The following PELI3 variants were observed in gnomAD, a reference collection of about 807,000 sequenced individuals.
PELI3 encodes the protein E3 ubiquitin-protein ligase pellino homolog 3.
Under a neutral mutation model 35.5 loss-of-function variants are expected in PELI3, and 19 were observed. The ratio of observed to expected loss-of-function variants is 0.54; its 90% CI spans 0.37 to 0.79. PELI3 has a LOEUF of 0.79. Ranked by LOEUF, PELI3 falls within the 30% of genes least tolerant of loss-of-function variation. The pLI, the probability that PELI3 is intolerant of heterozygous loss-of-function variation, is 0.00. For synonymous variants in PELI3, 262 were observed against 279.2 expected, an observed-to-expected ratio of 0.94 and a Z score of 0.62; for missense variants, 490 against 661.2, an observed-to-expected ratio of 0.74 and a Z score of 2.84.
chr11:66,475,543 C>T, intron 7 of PELI3, 55 bp from the exon 8 acceptor site: 2 of 1,580,174 alleles, frequency 1.3e-6, no homozygotes, highest in East Asian at 2.2e-5. Flanking sequence ...TGGGATGGAC[C>T]CGCGGCTCAG....
Position 66,472,365 on chromosome 11 carries a change from C to A in PELI3, c.355-4C>A, listed in dbSNP as rs1466013403. 6.2e-7 allele frequency: 1 copy of A among 1,613,410 alleles called. No homozygotes were observed. The highest frequency in any genetic ancestry group is 8.5e-7 in the Non-Finnish European group (1 of 1,179,396). On this transcript the variant is annotated splice_polypyrimidine_tract_variant and splice_region_variant and intron_variant, in intron 4 of 7. Coordinates refer to ENST00000320740, the MANE Select transcript of PELI3 (RefSeq NM_145065.3). ...CTGGCAAGTGACTTTTTTCTCCCCA[C>A]CAGGCACTGAGTAACCGTGGTCAGC...
chr11:66,476,619 C>A lies in PELI3; in HGVS notation c.*452C>A. On this transcript the variant is annotated 3_prime_UTR_variant, in exon 8 of 8. Coordinates refer to ENST00000320740, the MANE Select transcript of PELI3 (RefSeq NM_145065.3). ...ATAAACCTCGCTGCTCAGCTGCCCC[C>A]ACAAGTCCCACATGCCCCGCATGCG... The A allele has an allele frequency of 5.3e-6, 1 of 188,662 alleles. No individual in the cohort carries two copies. Among genetic ancestry groups the A allele is most frequent in the Non-Finnish European group, 1.1e-5 (1 of 91,276 alleles). 11.7% of individuals were successfully genotyped at this position (188,662 alleles called of 1,614,324 possible).
At position 66,476,153 on chromosome 11, in the gene PELI3, G is replaced by C. The variant is rs781393032; in HGVS notation, c.1396G>C (p.Gly466Arg). 1.3e-6 allele frequency: 2 copies of C among 1,555,312 alleles called. No homozygotes were observed. The highest frequency in any genetic ancestry group is 2.3e-5 in the South Asian group (2 of 86,270). Residue 466 changes from glycine to arginine, a missense_variant, in exon 8 of 8, where the codon GGC (glycine) becomes CGC (arginine). By Grantham distance (125) the Gly-to-Arg change is moderately radical. This residue lies in a region of PELI3 where 349 missense variants were observed against 484.8 expected (regional missense o/e 0.72). Coordinates refer to ENST00000320740, the MANE Select transcript of PELI3 (RefSeq NM_145065.3). The part of the protein sequence containing the change: ...EHGCVRLIFQ[G>R]PLD ...TGGCTGCGTCCGCCTCATTTTCCAGGGCCCGCTGGATTAGGCTCCCTGGGG... is the reference window on the plus strand; with the variant it reads ...TGGCTGCGTCCGCCTCATTTTCCAGCGCCCGCTGGATTAGGCTCCCTGGGG...
Position 66,476,141 on chromosome 11 carries a change from C to T in PELI3, c.1384C>T (p.Leu462Phe). Residue 462 changes from leucine (L) to phenylalanine (F), a missense_variant, in exon 8 of 8, where the codon CTC (leucine) becomes TTC (phenylalanine). Around this residue, in one of 3 missense-constraint regions of PELI3, gnomAD observed 349 missense variants for 484.8 expected, o/e 0.72. Coordinates refer to ENST00000320740, the MANE Select transcript of PELI3 (RefSeq NM_145065.3). ...TACCGGCGAGCATGGCTGCGTCCGCCTCATTTTCCAGGGCCCGCTGGATTA... is the reference window on the plus strand; with the variant it reads ...TACCGGCGAGCATGGCTGCGTCCGCTTCATTTTCCAGGGCCCGCTGGATTA... ...WLTGEHGCVR[L>F]IFQGPLD The T allele has an allele frequency of 6.4e-7, 1 of 1,566,852 alleles. No individual in the cohort carries two copies. The highest frequency in any genetic ancestry group is 8.6e-7 in the Non-Finnish European group (1 of 1,161,880).
In PELI3 at chr11:66,473,771, T is replaced by C; in HGVS notation, c.686T>C (p.Leu229Pro). Residue 229 changes from leucine (L) to proline (P), a missense_variant, in exon 7 of 8, where the codon CTG (leucine) becomes CCG (proline). By Grantham distance (98) the Leu-to-Pro change is moderately conservative. This residue lies in a region of PELI3 where 349 missense variants were observed against 484.8 expected (regional missense o/e 0.72). Coordinates refer to ENST00000320740, the MANE Select transcript of PELI3 (RefSeq NM_145065.3). This position sits in a 1 kb window ranked among gnomAD's most constrained non-coding sequence, Gnocchi z 5.8. ...GCCAAATGGCGGACCCCAGATGGCC[T>C]GATGGATGGACTGACCACCAATGGA... is the stretch of plus-strand genomic sequence containing the variant. Reference protein sequence around the residue: ...RAAKWRTPDGLMDGLTTNGVL... With the variant: ...RAAKWRTPDGPMDGLTTNGVL... 1 of 1,613,934 alleles carries C rather than the reference T, an allele frequency of 6.2e-7. No homozygotes were observed. The highest frequency in any genetic ancestry group is 8.5e-7 in the Non-Finnish European group (1 of 1,179,998).
In PELI3 at chr11:66,476,256, TC is replaced by T; in HGVS notation, c.*92del. The T allele has an allele frequency of 2.3e-6, 3 of 1,332,060 alleles. No individual in the cohort carries two copies. The highest frequency in any genetic ancestry group is 2.8e-5 in the South Asian group (2 of 71,118). 82.5% of individuals were successfully genotyped at this position (1,332,060 alleles called of 1,614,324 possible). On this transcript the variant is annotated 3_prime_UTR_variant, in exon 8 of 8. Transcript: ENST00000320740. ...AGAGGGAGCTCTGCATGTGGGACAC[TC>T]CCTGCTGGCACAGCCACACCAGATG...
chr11:66,469,249 T>TA (rs1157186361), intron 3 of PELI3, among the ~76,000 whole-genome samples: 3 of 138,516 alleles, frequency 2.2e-5, no homozygotes, highest in African/African-American at 5.6e-5. Flanking sequence ...GACACATGCT[T>TA]TAAAAAAAAA....
rs201548496 is a variant in PELI3 at position 66,468,828 on chromosome 11, C to T, written c.153-5C>T. The T allele has an allele frequency of 2.2e-4, 169 of 779,754 alleles. 1 individual carries two copies. The highest frequency in any genetic ancestry group is 4.6e-4 in the Middle Eastern group (2 of 4,318). 48.3% of individuals were successfully genotyped at this position (779,754 alleles called of 1,614,324 possible). A position where few individuals can be genotyped will look rare whatever the true frequency, so the allele number is the denominator to read the frequency against. Reference sequence around the variant, plus strand: ...GGACATTATTTCATTTCAATCTTCACAAAGATGCTGTGAGGAAGGAGGTGA... The same window carrying T: ...GGACATTATTTCATTTCAATCTTCATAAAGATGCTGTGAGGAAGGAGGTGA... On this transcript the variant is annotated splice_polypyrimidine_tract_variant and splice_region_variant and intron_variant, in intron 2 of 7. Coordinates refer to ENST00000320740, the MANE Select transcript of PELI3 (RefSeq NM_145065.3).
intron 2 of PELI3, 87 bp from the exon 3 acceptor site, chr11:66,468,746 C>T (rs1001260299): frequency 9.9e-6 from 7 of 706,494 alleles, no homozygotes; most frequent in Non-Finnish European, 1.8e-5. Flanking sequence ...GTACATAGAA[C>T]AGCGCCTAGC....
Position 66,476,340 on chromosome 11 carries a change from A to G in PELI3, c.*173A>G, listed in dbSNP as rs986550390. 3.6e-5 allele frequency: 24 copies of G among 664,396 alleles called. No homozygotes were observed. The highest frequency in any genetic ancestry group is 1.9e-4 in the Admixed American group (6 of 32,066). The allele number at this position is 664,396 out of a possible 1,614,324, so 41.2% of individuals were successfully genotyped here. On this transcript the variant is annotated 3_prime_UTR_variant, in exon 8 of 8. Coordinates refer to ENST00000320740, the MANE Select transcript of PELI3 (RefSeq NM_145065.3). ...ACTGTGGCCCCCCAAGGAGGTCCCCAAGATCTCCACCCCAGTCATGCTGAT... is the reference window on the plus strand; with the variant it reads ...ACTGTGGCCCCCCAAGGAGGTCCCCGAGATCTCCACCCCAGTCATGCTGAT...
At position 66,473,759 on chromosome 11, in the gene PELI3, C is replaced by T. The variant is rs1319978814; in HGVS notation, c.674C>T (p.Thr225Ile). Reference sequence around the variant, plus strand: ...CAGGAGCGAGCGGCCAAATGGCGGACCCCAGATGGCCTGATGGATGGACTG... The same window carrying T: ...CAGGAGCGAGCGGCCAAATGGCGGATCCCAGATGGCCTGATGGATGGACTG... ...FLGERAAKWR[T>I]PDGLMDGLTT... Residue 225 changes from threonine to isoleucine, a missense_variant, in exon 7 of 8, where the codon ACC (threonine) becomes ATC (isoleucine). Transcript: ENST00000320740. The surrounding 1 kb of genome is among the most constrained non-coding windows in gnomAD (Gnocchi z 5.8). The T allele has an allele frequency of 6.2e-7, 1 of 1,613,724 alleles. No individual in the cohort carries two copies. The highest frequency in any genetic ancestry group is 1.7e-5 in the Admixed American group (1 of 59,986).
chr11:66,468,819 C>T lies in PELI3; in HGVS notation c.153-14C>T, dbSNP rs1854620917. ...CCCTTTCATGGACATTATTTCATTTCAATCTTCACAAAGATGCTGTGAGGA... is the reference window on the plus strand; with the variant it reads ...CCCTTTCATGGACATTATTTCATTTTAATCTTCACAAAGATGCTGTGAGGA... On this transcript the variant is annotated splice_polypyrimidine_tract_variant and intron_variant, in intron 2 of 7. Coordinates refer to ENST00000320740, the MANE Select transcript of PELI3 (RefSeq NM_145065.3). The T allele has an allele frequency of 1.3e-6, 1 of 779,302 alleles. No individual in the cohort carries two copies. The highest frequency in any genetic ancestry group is 1.7e-5 in the Admixed American group (1 of 58,956). The allele number at this position is 779,302 out of a possible 1,614,324, so 48.3% of individuals were successfully genotyped here.
Position 66,476,155 on chromosome 11 carries a change from C to G in PELI3, c.1398C>G (p.Gly466=). 6.4e-7 allele frequency: 1 copy of G among 1,553,592 alleles called. No homozygotes were observed. The highest frequency in any genetic ancestry group is 8.7e-7 in the Non-Finnish European group (1 of 1,155,436). The change falls in exon 8 of 8, where the codon GGC becomes GGG. Residue 466 remains glycine, a synonymous_variant. Coordinates refer to ENST00000320740, the MANE Select transcript of PELI3 (RefSeq NM_145065.3). ...EHGCVRLIFQ[G]PLD ...GCTGCGTCCGCCTCATTTTCCAGGG[C>G]CCGCTGGATTAGGCTCCCTGGGGCC...
At position 66,472,473 on chromosome 11, in the gene PELI3, A is replaced by G; in HGVS notation, c.456+3A>G. Reference sequence around the variant, plus strand: ...ATAGCGACACAGACATGTTCCAGGTATGCTCAGGCCTCTCCACACACCTCC... The same window carrying G: ...ATAGCGACACAGACATGTTCCAGGTGTGCTCAGGCCTCTCCACACACCTCC... On this transcript the variant is annotated splice_donor_region_variant and intron_variant, in intron 5 of 7. Transcript: ENST00000320740. 6.2e-7 allele frequency: 1 copy of G among 1,612,528 alleles called. No homozygotes were observed. Among genetic ancestry groups the G allele is most frequent in the South Asian group, 1.1e-5 (1 of 91,060 alleles).
Position 66,477,303 on chromosome 11 carries a change from A to C in PELI3, c.*1136A>C, listed in dbSNP as rs909021938. On this transcript the variant is annotated 3_prime_UTR_variant, in exon 8 of 8. Coordinates refer to ENST00000320740, the MANE Select transcript of PELI3 (RefSeq NM_145065.3). ...TGTGCCCCGCACTGTGCTGATGATG[A>C]TAATAATAACTACGTCCATTGAGCA... 2.0e-5 allele frequency: 3 copies of C among 152,148 alleles called. No individual in the cohort carries two copies. Among genetic ancestry groups the C allele is most frequent in the African/African-American group, 7.2e-5 (3 of 41,440 alleles). 9.4% of individuals were successfully genotyped at this position (152,148 alleles called of 1,614,324 possible).
intron 3 of PELI3, among the ~76,000 whole-genome samples, chr11:66,470,384 A>C (rs1348789635): frequency 6.6e-6 from 1 of 152,206 alleles, no homozygotes; most frequent in Admixed American, 6.5e-5. Context: ...AGTCAGAGAG[A>C]CTGGGCTCAA....
At position 66,470,774 on chromosome 11, in the gene PELI3, C is replaced by T. The variant is rs541410476; in HGVS notation, c.225-468C>T. 2.3e-4 allele frequency among the ~76,000 whole-genome samples: 35 copies of T among 152,310 alleles called. 1 individual carries two copies. Among genetic ancestry groups the T allele is most frequent in the Non-Finnish European group, 4.7e-4 (32 of 68,024 alleles). On this transcript the variant is annotated intron_variant, in intron 3 of 7. Transcript: ENST00000320740. ...TGAACCCTTTCTAGTTCTTCAAAAC[C>T]CAGTAGAGGTGTTCCCTCTCCCAGA...
chr11:66,474,065 GC>G, intron 7 of PELI3, 140 bp downstream of exon 7: 1 of 1,136,594 alleles, frequency 8.8e-7, no homozygotes, highest in Non-Finnish European at 1.3e-6. Flanking sequence ...GGAATCCCAG[GC>G]CCAGGGGGTT....
Position 66,468,861 on chromosome 11 carries a change from G to A in PELI3, c.181G>A (p.Glu61Lys), listed in dbSNP as rs760025197. 1.0e-5 allele frequency: 8 copies of A among 779,126 alleles called. No individual in the cohort carries two copies. Among genetic ancestry groups the A allele is most frequent in the African/African-American group, 6.8e-5 (4 of 59,068 alleles). The allele number at this position is 779,126 out of a possible 1,614,324, so 48.3% of individuals were successfully genotyped here. The change falls in exon 3 of 8, where the codon GAG becomes AAG. Residue 61 changes from glutamate (E) to lysine (K), a missense_variant. This residue lies in a region of PELI3 where 137 missense variants were observed against 157.1 expected (regional missense o/e 0.87). Coordinates refer to ENST00000320740, the MANE Select transcript of PELI3 (RefSeq NM_145065.3). ...CTGTGAGGAAGGAGGTGAGGAAACC[G>A]AGGCTCAGAGAGGGGAAGTGACTGG... ...GCCEEGGEETEAQRGEVTGPR... is the reference protein window; with the variant it reads ...GCCEEGGEETKAQRGEVTGPR...
Sources: gnomAD v4.1 joint callset for allele counts (sites outside exome capture counted in the v4.1 genomes callset) on GRCh38, gnomAD v4.1.1 for gene constraint, gnomAD v4.1.1 regional missense constraint, Gnocchi (gnomAD v3.1) non-coding constraint, MANE v1.5 for transcripts, NCBI Gene and HGNC (gene_info 2026-07-23, HGNC 2026-07-21) for gene names.